Variants in ZNF565 observed in about 807,000 individuals in gnomAD.
The protein encoded by ZNF565 is zinc finger protein 565.
ZNF565 carries 27 observed loss-of-function variants against 39.4 expected under a neutral mutation model. The ratio of observed to expected loss-of-function variants is 0.69; its 90% CI spans 0.51 to 0.95. The LOEUF (loss-of-function observed/expected upper bound fraction) is 0.95. Ranked by LOEUF, ZNF565 falls within the 40% of genes least tolerant of loss-of-function variation. The pLI is 0.00. For synonymous variants in ZNF565, 185 were observed against 216.6 expected (o/e 0.85, Z 1.28); for missense variants, 524 against 621.1 (o/e 0.84, Z 1.66).
At chr19:36,232,988 T>G (rs1318701616) in intron 1 of ZNF565, among the ~76,000 whole-genome samples, 5 of 152,238 alleles carry the variant, frequency 3.3e-5, no homozygotes, top group Non-Finnish European at 7.3e-5. Flanking sequence ...TAATTAATAT[T>G]TTGCCACGCT....
chr19:36,242,420 A>T (rs1461134097), intron 1 of ZNF565, among the ~76,000 whole-genome samples: 2 of 149,888 alleles, frequency 1.3e-5, no homozygotes, highest in African/African-American at 2.5e-5. Flanking sequence ...AAAAAAATAA[A>T]GAACAACCTA....
Position 36,245,598 on chromosome 19 carries a change from T to G in ZNF565, c.-68A>C, listed in dbSNP as rs575479463. The G allele has an allele frequency of 1.7e-5, 12 of 701,364 alleles. No homozygotes were observed. The highest frequency in any genetic ancestry group is 2.3e-4 in the Middle Eastern group (1 of 4,382). The allele number at this position is 701,364 out of a possible 1,614,324, so 43.4% of individuals were successfully genotyped here. ...CGCGGATCTAGGAGGAGGCTTGAGA[T>G]GCAGCCTCCCAGCTTCGAGGCTACC... On this transcript the variant is annotated 5_prime_UTR_variant, in exon 1 of 5. Transcript: ENST00000355114. This position sits in a 1 kb window ranked among gnomAD's most constrained non-coding sequence, Gnocchi z 4.4.
intron 1 of ZNF565, among the ~76,000 whole-genome samples, chr19:36,207,040 C>G (rs1320405743): frequency 6.6e-6 from 1 of 152,012 alleles, no homozygotes; most frequent in African/African-American, 2.4e-5. Flanking sequence ...TTGCAAGGGT[C>G]TGAAGGCAGG....
At chr19:36,185,313 C>T (rs1014606312) in intron 4 of ZNF565, among the ~76,000 whole-genome samples, 1 of 151,170 alleles carries the variant, frequency 6.6e-6, no homozygotes, top group Non-Finnish European at 1.5e-5. Context: ...ACCTGGGAGG[C>T]TGAGGCAGGA....
At chr19:36,221,009 C>T (rs765375939) in intron 1 of ZNF565, among the ~76,000 whole-genome samples, 21 of 151,792 alleles carry the variant, frequency 1.4e-4, no homozygotes, top group East Asian at 2.0e-4. Context: ...CCCACCATGA[C>T]GCCTAGCTAA....
chr19:36,186,995 A>C lies in ZNF565; in HGVS notation c.233-3262T>G, dbSNP rs1275784378. Among the ~76,000 whole-genome samples, 3 of 152,100 alleles carry C rather than the reference A, an allele frequency of 2.0e-5. No individual in the cohort carries two copies. In the East Asian group the frequency reaches 5.8e-4, roughly 29 times the overall value. On this transcript the variant is annotated intron_variant, in intron 4 of 4. Transcript: ENST00000304116. Reference sequence around the variant, plus strand: ...CACCTGAGGTTGGGAGTTTGAGATCAGCCTGACCAACATGGAGAAACCCTG... The same window carrying C: ...CACCTGAGGTTGGGAGTTTGAGATCCGCCTGACCAACATGGAGAAACCCTG...
At chr19:36,184,100 AAAAC>A (rs1568409297) in intron 4 of ZNF565, among the ~76,000 whole-genome samples, 19 of 149,862 alleles carry the variant, frequency 1.3e-4, no homozygotes, top group Admixed American at 1.1e-3. Context: ...AAAAAAAAAA[AAAAC>A]TATAGTAGAA....
intron 1 of ZNF565, among the ~76,000 whole-genome samples, chr19:36,240,415 G>A (rs774084879): frequency 2.0e-5 from 3 of 152,040 alleles, no homozygotes; most frequent in Admixed American, 6.6e-5. Flanking sequence ...AGACCCTGTC[G>A]AAAACAAACA....
At chr19:36,196,460 TGAAG>T (rs954471542) in intron 2 of ZNF565, among the ~76,000 whole-genome samples, 1 of 152,204 alleles carries the variant, frequency 6.6e-6, no homozygotes, top group Non-Finnish European at 1.5e-5. Flanking sequence ...GCCTGTGGCA[TGAAG>T]GAAGTATAAT....
At chr19:36,229,022 G>A (rs960392082) in intron 1 of ZNF565, among the ~76,000 whole-genome samples, 5 of 152,152 alleles carry the variant, frequency 3.3e-5, no homozygotes, top group South Asian at 4.1e-4. Context: ...GGGGCCAGGC[G>A]CCCCTCCTGT....
At chr19:36,221,283 G>GC (rs1976823602) in intron 1 of ZNF565, among the ~76,000 whole-genome samples, 1 of 125,300 alleles carries the variant, frequency 8.0e-6, no homozygotes, top group Non-Finnish European at 1.7e-5. Context: ...TTAAGGGACT[G>GC]CTTTTTTTTT....
intron 1 of ZNF565, among the ~76,000 whole-genome samples, chr19:36,203,744 T>A (rs1976051809): frequency 6.6e-6 from 1 of 151,736 alleles, no homozygotes; most frequent in Non-Finnish European, 1.5e-5. Flanking sequence ...CCTGGCTGAT[T>A]TTTTGTATTT....
chr19:36,210,419 CA>C (rs35345882), intron 1 of ZNF565, among the ~76,000 whole-genome samples: 11,617 of 67,342 alleles, frequency 0.17, 315 homozygotes, highest in Non-Finnish European at 0.21. Context: ...AATTCTGTCT[CA>C]AAAAAAAAAA....
chr19:36,210,419 C>CAAA (rs35345882), intron 1 of ZNF565, among the ~76,000 whole-genome samples: 61 of 66,996 alleles, frequency 9.1e-4, no homozygotes, highest in Non-Finnish European at 1.3e-3. Context: ...AATTCTGTCT[C>CAAA]AAAAAAAAAA....
rs1439243121 is a variant in ZNF565 at position 36,183,547 on chromosome 19, A to T, written c.419T>A (p.Val140Asp). The T allele has an allele frequency of 6.2e-7, 1 of 1,614,194 alleles. No individual in the cohort carries two copies. The highest frequency in any genetic ancestry group is 8.5e-7 in the Non-Finnish European group (1 of 1,180,040). ...NEECYFKQVN[V>D]TYGHMPVFQH... is the part of the protein sequence containing the mutation. ...GAACACGGGCATATGTCCATAGGTG[A>T]CGTTCACTTGCTTAAAATAGCACTC... The change falls in exon 5 of 5, where the codon GTC becomes GAC. Residue 140 changes from valine to aspartate, a missense_variant. By Grantham distance (152) the Val-to-Asp change is radical. Transcript: ENST00000304116.
At chr19:36,199,049 T>C (rs1268050023) in intron 2 of ZNF565, among the ~76,000 whole-genome samples, 1 of 152,180 alleles carries the variant, frequency 6.6e-6, no homozygotes, top group East Asian at 1.9e-4. Context: ...CATAAATATA[T>C]ATACCATGTA....
chr19:36,191,372 G>A (rs1374124063), intron 4 of ZNF565, among the ~76,000 whole-genome samples: 1 of 147,094 alleles, frequency 6.8e-6, no homozygotes, highest in Admixed American at 6.9e-5. Flanking sequence ...AGGCTGGAGT[G>A]CAGTGGGGCA....
rs796078335 is a variant in ZNF565, at chr19:36,204,311, T to C, written c.-65-2261A>G. On this transcript the variant is annotated intron_variant, in intron 1 of 4. Coordinates refer to ENST00000304116, the MANE Select transcript of ZNF565 (RefSeq NM_152477.5). ...GAAAACTTTTCTGTAAAATGTAGAA[T>C]AGGAATTGGGTTCTGAAACCTCAGG... Among the ~76,000 whole-genome samples the C allele has an allele frequency of 4.6e-5, 7 of 151,980 alleles. No individual in the cohort carries two copies. The East Asian group carries it at 9.6e-4, about 21-fold the overall frequency.
intron 2 of ZNF565, among the ~76,000 whole-genome samples, chr19:36,199,902 C>G (rs1975894536): frequency 6.6e-6 from 1 of 152,110 alleles, no homozygotes; most frequent in Non-Finnish European, 1.5e-5. Flanking sequence ...CTCAAGCGAT[C>G]CTCCTACCTC....
Sources: allele counts gnomAD v4.1 joint callset (sites outside exome capture counted in the v4.1 genomes callset), GRCh38; gene constraint gnomAD v4.1.1; non-coding constraint Gnocchi (gnomAD v3.1); transcripts MANE v1.5; gene names NCBI Gene and HGNC (gene_info 2026-07-23, HGNC 2026-07-21).